MRPS28: variants seen among roughly 807,000 people sequenced by gnomAD.
MRPS28 encodes the protein small ribosomal subunit protein bS1m.
In MRPS28, 7 loss-of-function variants were observed where a neutral mutation model predicts 10.8. The ratio of observed to expected loss-of-function variants is 0.65; its 90% CI spans 0.37 to 1.22. The LOEUF (loss-of-function observed/expected upper bound fraction) is 1.22, where lower values mean the gene tolerates loss of function less well. MRPS28 is among the 50% of genes most tolerant of loss of function. MRPS28 has a pLI of 0.02. For missense variants in MRPS28, 265 were observed against 232.9 expected, an observed-to-expected ratio of 1.14 and a Z score of -0.90; for synonymous variants, 121 against 93.3, an observed-to-expected ratio of 1.30 and a Z score of -1.71.
intron 1 of MRPS28, among the ~76,000 whole-genome samples, chr8:80,021,160 G>C (rs961409083): frequency 3.3e-5 from 5 of 151,932 alleles, no homozygotes; most frequent in African/African-American, 1.2e-4. Flanking sequence ...GAGCCACCAT[G>C]CCCGGCTAAT....
At chr8:79,981,703 T>C (rs1182637811) in intron 2 of MRPS28, among the ~76,000 whole-genome samples, 2 of 152,160 alleles carry the variant, frequency 1.3e-5, no homozygotes, top group African/African-American at 2.4e-5. Flanking sequence ...TCTTCCACAC[T>C]GAAAGAGGTA....
intron 2 of MRPS28, among the ~76,000 whole-genome samples, chr8:79,975,548 G>T (rs1807772924): frequency 6.6e-6 from 1 of 152,060 alleles, no homozygotes; most frequent in South Asian, 2.1e-4. Flanking sequence ...ACAAGAAAGT[G>T]ATAAATACAA....
intron 2 of MRPS28, among the ~76,000 whole-genome samples, chr8:79,995,980 A>T (rs1021236028): frequency 1.3e-5 from 2 of 152,222 alleles, no homozygotes; most frequent in East Asian, 1.9e-4. Flanking sequence ...TTATATGGTT[A>T]TGCAGCAATA....
chr8:80,018,990 C>A (rs1230645131), intron 1 of MRPS28, among the ~76,000 whole-genome samples: 2 of 152,014 alleles, frequency 1.3e-5, no homozygotes, highest in African/African-American at 2.4e-5. Context: ...TACCCAGACG[C>A]TGGGAAGGGT....
chr8:79,962,940 A>G (rs1031387539), intron 2 of MRPS28, among the ~76,000 whole-genome samples: 1 of 152,152 alleles, frequency 6.6e-6, no homozygotes, highest in Non-Finnish European at 1.5e-5. Context: ...ATAAGCCTCA[A>G]TTCACTCTGA....
Position 80,000,675 on chromosome 8 carries a change from T to G in MRPS28, c.395+2324A>C, listed in dbSNP as rs562456617. On this transcript the variant is annotated intron_variant, in intron 2 of 2. Transcript: ENST00000276585. ...AAGCTATACTACACATAAAACAAAT[T>G]CAAATCAGACTATACTACTCATTAG... 2.0e-5 allele frequency among the ~76,000 whole-genome samples: 3 copies of G among 152,324 alleles called. No homozygotes were observed. The South Asian group carries it at 6.2e-4, about 32-fold the overall frequency.
intron 2 of MRPS28, among the ~76,000 whole-genome samples, chr8:79,922,333 C>G (rs1263255579): frequency 6.6e-6 from 1 of 151,988 alleles, no homozygotes; most frequent in Non-Finnish European, 1.5e-5. Flanking sequence ...CCTGTGGTTA[C>G]CAGGTCAAAG....
intron 2 of MRPS28, among the ~76,000 whole-genome samples, chr8:79,925,743 T>C (rs535349428): frequency 6.6e-6 from 1 of 152,196 alleles, no homozygotes; most frequent in South Asian, 2.1e-4. Context: ...ATCCCAGCAC[T>C]TTGGGAGACC....
intron 2 of MRPS28, among the ~76,000 whole-genome samples, chr8:79,979,736 A>G (rs994124392): frequency 6.6e-6 from 1 of 151,316 alleles, no homozygotes; most frequent in African/African-American, 2.4e-5. Context: ...GCCCTCCCCA[A>G]TCTCTTCCTT....
chr8:79,918,717 T>G lies in MRPS28; in HGVS notation c.*263A>C. The G allele has an allele frequency of 5.6e-6, 1 of 179,792 alleles. No individual in the cohort carries two copies. Among genetic ancestry groups the G allele is most frequent in the Non-Finnish European group, 1.2e-5 (1 of 86,568 alleles). 11.1% of individuals were successfully genotyped at this position (179,792 alleles called of 1,614,324 possible). A position where few individuals can be genotyped will look rare whatever the true frequency, so the allele number is the denominator to read the frequency against. ...GCTGTTTAAACTAGTACCATGCACA[T>G]AGACAGCACTCAAAACGTATTTATT... On this transcript the variant is annotated 3_prime_UTR_variant, in exon 3 of 3. Coordinates refer to ENST00000276585, the MANE Select transcript of MRPS28 (RefSeq NM_014018.3).
chr8:79,919,887 T>C (rs58967424), intron 2 of MRPS28, among the ~76,000 whole-genome samples: 3,529 of 151,802 alleles, frequency 0.023, 119 homozygotes, highest in African/African-American at 0.066. Context: ...CATGTTGGTG[T>C]GCTGCACCCA....
chr8:79,925,173 G>A (rs1171396277), intron 2 of MRPS28, among the ~76,000 whole-genome samples: 1 of 151,478 alleles, frequency 6.6e-6, no homozygotes, highest in Non-Finnish European at 1.5e-5. Flanking sequence ...ATTAGAAGAT[G>A]TAAATTGAGA....
At position 79,920,351 on chromosome 8, in the gene MRPS28, T is replaced by C. The variant is rs573626314; in HGVS notation, c.396-1203A>G. On this transcript the variant is annotated intron_variant, in intron 2 of 2. Transcript: ENST00000276585. Reference sequence around the variant, plus strand: ...AAATGGTATTTCTAGTTCTAGATCCTTGAGGAATTGCCACACTGTCTTCCA... The same window carrying C: ...AAATGGTATTTCTAGTTCTAGATCCCTGAGGAATTGCCACACTGTCTTCCA... 1.9e-3 allele frequency among the ~76,000 whole-genome samples: 291 copies of C among 152,284 alleles called. 2 individuals are homozygous for C. Among genetic ancestry groups the C allele is most frequent in the African/African-American group, 6.6e-3 (273 of 41,570 alleles).
chr8:79,955,398 T>C (rs1386764080), intron 2 of MRPS28, among the ~76,000 whole-genome samples: 1 of 152,210 alleles, frequency 6.6e-6, no homozygotes, highest in African/African-American at 2.4e-5. Flanking sequence ...GATATCTCCT[T>C]AGCTAGATCC....
At chr8:80,019,748 GA>G (rs1482206732) in intron 1 of MRPS28, among the ~76,000 whole-genome samples, 1 of 151,804 alleles carries the variant, frequency 6.6e-6, no homozygotes, top group African/African-American at 2.4e-5. Context: ...GAATCAACAA[GA>G]AAAAAACCTC....
At chr8:80,019,787 C>T (rs369070107) in intron 1 of MRPS28, among the ~76,000 whole-genome samples, 19 of 152,114 alleles carry the variant, frequency 1.2e-4, no homozygotes, top group African/African-American at 4.6e-4. Context: ...AGCAACATTA[C>T]ACAATATAAG....
chr8:79,992,573 A>AT (rs1563536585), intron 2 of MRPS28, among the ~76,000 whole-genome samples: 2 of 152,342 alleles, frequency 1.3e-5, no homozygotes, highest in African/African-American at 4.8e-5. Flanking sequence ...CTATACGTTT[A>AT]TATCTTTCCT....
At position 80,013,477 on chromosome 8, in the gene MRPS28, A is replaced by T. The variant is rs140482214; in HGVS notation, c.214-10297T>A. 1.5e-3 allele frequency among the ~76,000 whole-genome samples: 227 copies of T among 151,988 alleles called. 2 individuals are homozygous for T. The highest frequency in any genetic ancestry group is 5.2e-3 in the African/African-American group (216 of 41,438). On this transcript the variant is annotated intron_variant, in intron 1 of 2. Transcript: ENST00000276585. ...TGGGGAAACCCTGTCTCTACTAAAA[A>T]TACAAAATTAGCCGGGTGAGGTGGT... is the stretch of plus-strand genomic sequence containing the variant.
chr8:80,019,299 G>A (rs564457234), intron 1 of MRPS28, among the ~76,000 whole-genome samples: 3 of 147,258 alleles, frequency 2.0e-5, no homozygotes, highest in South Asian at 4.6e-4. Context: ...AAAGTATCTC[G>A]TGTGCCCCCT....
Sources: gnomAD v4.1 joint callset for allele counts (sites outside exome capture counted in the v4.1 genomes callset) on GRCh38, gnomAD v4.1.1 for gene constraint, MANE v1.5 for transcripts, NCBI Gene and HGNC (gene_info 2026-07-23, HGNC 2026-07-21) for gene names.